Variants in ADAMTSL3 observed in about 807,000 individuals in gnomAD.
ADAMTSL3 encodes the protein ADAMTS like 3.
ADAMTSL3 carries 128 observed loss-of-function variants against 201.7 expected under a neutral mutation model. That is an observed-to-expected ratio of 0.63 (90% CI 0.55 to 0.73). The LOEUF (loss-of-function observed/expected upper bound fraction) is 0.73, where lower values mean the gene tolerates loss of function less well. ADAMTSL3 is among the 30% of genes least tolerant of loss of function. ADAMTSL3 has a pLI of 0.00. For missense variants in ADAMTSL3, 1,990 were observed against 2,119.6 expected (o/e 0.94, Z 1.20); for synonymous variants, 738 against 748.4 (o/e 0.99, Z 0.23).
intron 27 of ADAMTSL3, among the ~76,000 whole-genome samples, chr15:84,028,237 G>T (rs1189824222): frequency 6.6e-6 from 1 of 152,098 alleles, no homozygotes. Flanking sequence ...TTTGTAAATT[G>T]TATCTCAATA....
chr15:83,895,573 T>A (rs1306612063), intron 13 of ADAMTSL3, among the ~76,000 whole-genome samples: 3 of 152,188 alleles, frequency 2.0e-5, no homozygotes, highest in Non-Finnish European at 4.4e-5. Flanking sequence ...CGAGGACATA[T>A]GCAGCTCCAC....
intron 8 of ADAMTSL3, among the ~76,000 whole-genome samples, chr15:83,866,113 G>A (rs2064969940): frequency 6.6e-6 from 1 of 152,164 alleles, no homozygotes; most frequent in African/African-American, 2.4e-5. Context: ...GAAACAACAG[G>A]TGCTGGAGAG....
chr15:83,888,643 G>A (rs540115086), intron 10 of ADAMTSL3, among the ~76,000 whole-genome samples: 160 of 152,250 alleles, frequency 1.1e-3, no homozygotes, highest in Admixed American at 2.6e-3. Flanking sequence ...GTCTGTAATC[G>A]TCGATGTGAG....
intron 3 of ADAMTSL3, among the ~76,000 whole-genome samples, chr15:83,743,850 CATA>C (rs2062498494): frequency 6.6e-6 from 1 of 152,004 alleles, no homozygotes; most frequent in Admixed American, 6.6e-5. Flanking sequence ...TTCCTTAACT[CATA>C]TATCTTTTTA....
intron 2 of ADAMTSL3, among the ~76,000 whole-genome samples, chr15:83,661,756 G>A (rs2061167957): frequency 6.6e-6 from 1 of 151,268 alleles, no homozygotes; most frequent in South Asian, 2.1e-4. Flanking sequence ...TCAAAAAGTG[G>A]GCAAAGGACA....
intron 6 of ADAMTSL3, among the ~76,000 whole-genome samples, chr15:83,820,900 C>A (rs994158357): frequency 6.6e-6 from 1 of 151,928 alleles, no homozygotes; most frequent in African/African-American, 2.4e-5. Context: ...ATGGTGAAAC[C>A]CCATCTCCAC....
In ADAMTSL3 at chr15:83,970,589, C is replaced by A. The variant is rs2067178833; in HGVS notation, c.2596C>A (p.Leu866Ile). 6.2e-7 allele frequency: 1 copy of A among 1,614,128 alleles called. No individual in the cohort carries two copies. Among genetic ancestry groups the A allele is most frequent in the African/African-American group, 1.3e-5 (1 of 74,952 alleles). Residue 866 changes from leucine to isoleucine, a missense_variant, in exon 20 of 30, where the codon CTA becomes ATA. Transcript: ENST00000286744. ...CCTCAGTGAGATGATGTGCAGGGATCTACCAGGGCTCCCTCTTGTAAGATC... is the reference window on the plus strand; with the variant it reads ...CCTCAGTGAGATGATGTGCAGGGATATACCAGGGCTCCCTCTTGTAAGATC... ...IPLSEMMCRD[L>I]PGLPLVRSCQ... is the part of the protein sequence containing the mutation.
At chr15:83,666,474 A>G (rs2061249331) in intron 2 of ADAMTSL3, among the ~76,000 whole-genome samples, 1 of 152,170 alleles carries the variant, frequency 6.6e-6, no homozygotes, top group South Asian at 2.1e-4. Context: ...TATTAGTAAG[A>G]GGTTATTAAA....
At chr15:83,927,944 A>C (rs945088008) in intron 17 of ADAMTSL3, among the ~76,000 whole-genome samples, 5 of 151,732 alleles carry the variant, frequency 3.3e-5, no homozygotes, top group African/African-American at 1.2e-4. Flanking sequence ...ACACAGACTT[A>C]AAATTGTGAC....
intron 11 of ADAMTSL3, 188 bp from the exon 12 acceptor site, chr15:83,891,141 G>T: frequency 1.9e-6 from 1 of 530,648 alleles, no homozygotes. Flanking sequence ...GGGAATTTGT[G>T]TCGTAGATAT....
Position 84,025,236 on chromosome 15 carries a change from A to G in ADAMTSL3, c.4458-2A>G. The G allele has an allele frequency of 6.3e-7, 1 of 1,592,296 alleles. No homozygotes were observed. Among genetic ancestry groups the G allele is most frequent in the Non-Finnish European group, 8.5e-7 (1 of 1,170,930 alleles). Reference sequence around the variant, plus strand: ...CTAAAGTCCTGTAGTTTTTGTTCCTAGGTGGTTCACAAGTGTGTGGTCACA... The same window carrying G: ...CTAAAGTCCTGTAGTTTTTGTTCCTGGGTGGTTCACAAGTGTGTGGTCACA... On this transcript the variant is annotated splice_acceptor_variant, in intron 26 of 29. Transcript: ENST00000286744. LOFTEE classifies it high-confidence loss of function.
rs1317043217 is a variant in ADAMTSL3, at chr15:83,921,021, T to C, written c.1988-2883T>C. 5.9e-5 allele frequency among the ~76,000 whole-genome samples: 9 copies of C among 152,334 alleles called. No individual in the cohort carries two copies. The East Asian group carries it at 1.7e-3, about 29-fold the overall frequency. ...ATTTAGATTCACTTGGGACAAAAAC[T>C]ATCCATTTCATGAGGATACTGAAAT... On this transcript the variant is annotated intron_variant, in intron 16 of 29. Transcript: ENST00000286744.
intron 3 of ADAMTSL3, among the ~76,000 whole-genome samples, chr15:83,716,501 G>A (rs1314808230): frequency 3.9e-5 from 5 of 128,258 alleles, no homozygotes; most frequent in Non-Finnish European, 8.1e-5. Flanking sequence ...GGCAACAAGA[G>A]CAAAACTCCG....
At chr15:83,822,341 G>C (rs1162657828) in intron 6 of ADAMTSL3, among the ~76,000 whole-genome samples, 1 of 106,876 alleles carries the variant, frequency 9.4e-6, no homozygotes, top group East Asian at 3.8e-4. Flanking sequence ...GGGCGGAGGG[G>C]CTCCTCACTT....
chr15:84,032,455 C>T (rs866456428), intron 28 of ADAMTSL3, among the ~76,000 whole-genome samples: 2 of 152,214 alleles, frequency 1.3e-5, no homozygotes, highest in Non-Finnish European at 2.9e-5. Flanking sequence ...CGGCTGCTCT[C>T]ATTCTCAACA....
chr15:83,957,445 A>G (rs1019617180), intron 19 of ADAMTSL3, among the ~76,000 whole-genome samples: 3 of 152,182 alleles, frequency 2.0e-5, no homozygotes, highest in African/African-American at 7.2e-5. Context: ...GGAAGAAGGA[A>G]TTGAAGCTTG....
intron 2 of ADAMTSL3, among the ~76,000 whole-genome samples, chr15:83,684,374 A>G (rs1044874662): frequency 6.6e-6 from 1 of 152,196 alleles, no homozygotes; most frequent in African/African-American, 2.4e-5. Flanking sequence ...CTTTTGCTAC[A>G]TATTTCTAAA....
At position 83,695,912 on chromosome 15, in the gene ADAMTSL3, C is replaced by T. The variant is rs186807622; in HGVS notation, c.70-8477C>T. ...CAGGTTCAAGGAACCAAATGTACAT[C>T]ATGGTTTTTTTTTGAAGAAAAATGT... On this transcript the variant is annotated intron_variant, in intron 2 of 29. Transcript: ENST00000286744. 4.8e-3 allele frequency among the ~76,000 whole-genome samples: 694 copies of T among 144,074 alleles called. 6 individuals are homozygous for T. Among genetic ancestry groups the T allele is most frequent in the African/African-American group, 0.014 (568 of 41,328 alleles). The allele number at this position is 144,074 out of a possible 152,430, so 94.5% of individuals were successfully genotyped here.
At chr15:83,779,189 A>G (rs1383188091) in intron 4 of ADAMTSL3, among the ~76,000 whole-genome samples, 2 of 152,126 alleles carry the variant, frequency 1.3e-5, no homozygotes, top group East Asian at 1.9e-4. Context: ...CCCACTGACA[A>G]TACTAGACAG....
Sources: gnomAD v4.1 joint callset for allele counts (sites outside exome capture counted in the v4.1 genomes callset) on GRCh38, gnomAD v4.1.1 for gene constraint, MANE v1.5 for transcripts, NCBI Gene and HGNC (gene_info 2026-07-23, HGNC 2026-07-21) for gene names.